PID1: variants seen among roughly 807,000 people sequenced by gnomAD.
The protein encoded by PID1 is PTB-containing, cubilin and LRP1-interacting protein.
PID1 carries 10 observed loss-of-function variants against 19.1 expected under a neutral mutation model. The observed-to-expected ratio is 0.52, with a 90% CI of 0.32 to 0.89. PID1 has a LOEUF of 0.89. Ranked by LOEUF, PID1 falls within the 40% of genes least tolerant of loss-of-function variation. The pLI is 0.03. For synonymous variants in PID1, 130 were observed against 116.0 expected, an observed-to-expected ratio of 1.12 and a Z score of -0.78; for missense variants, 248 against 285.3, an observed-to-expected ratio of 0.87 and a Z score of 0.94.
intron 2 of PID1, among the ~76,000 whole-genome samples, chr2:229,039,857 T>C (rs574987341): frequency 4.6e-4 from 70 of 152,318 alleles, no homozygotes; most frequent in African/African-American, 1.7e-3. Context: ...AACAAAACTC[T>C]ATATGTCTTT....
chr2:229,046,540 TCTTTCTTAGTTTACCTTAA>T (rs1224242274), intron 2 of PID1, among the ~76,000 whole-genome samples: 6 of 152,062 alleles, frequency 3.9e-5, no homozygotes, highest in African/African-American at 1.2e-4. Flanking sequence ...AATCTTAAGT[TCTTTCTTAGTTTACCTTAA>T]TTTCTTTCAG....
intron 2 of PID1, among the ~76,000 whole-genome samples, chr2:229,076,384 G>T (rs988132699): frequency 1.4e-5 from 2 of 147,286 alleles, no homozygotes; most frequent in African/African-American, 2.5e-5. Context: ...TTGGGTTTTT[G>T]TTTTTTTTTT....
At chr2:229,249,810 C>T (rs918060205) in intron 1 of PID1, among the ~76,000 whole-genome samples, 2 of 150,862 alleles carry the variant, frequency 1.3e-5, no homozygotes, top group African/African-American at 4.9e-5. Flanking sequence ...ATCCCCTGGG[C>T]AGGGCAGGCG....
intron 1 of PID1, among the ~76,000 whole-genome samples, chr2:229,215,660 G>A (rs371357747): frequency 6.6e-6 from 1 of 152,096 alleles, no homozygotes; most frequent in Admixed American, 6.5e-5. Flanking sequence ...ACAGGTGTAG[G>A]CTTGACTCCA....
At chr2:229,119,425 T>C (rs1268337201) in intron 2 of PID1, among the ~76,000 whole-genome samples, 2 of 152,234 alleles carry the variant, frequency 1.3e-5, no homozygotes, top group Non-Finnish European at 2.9e-5. Context: ...GTCTTAAAAG[T>C]TATTTCCTTA....
chr2:229,186,209 C>A (rs1163089772), intron 1 of PID1, among the ~76,000 whole-genome samples: 1 of 152,144 alleles, frequency 6.6e-6, no homozygotes, highest in Non-Finnish European at 1.5e-5. Flanking sequence ...GCAGCTCCAC[C>A]CCTGTGGCTT....
chr2:229,196,913 G>C (rs1691389096), intron 1 of PID1, among the ~76,000 whole-genome samples: 1 of 152,030 alleles, frequency 6.6e-6, no homozygotes, highest in Non-Finnish European at 1.5e-5. Flanking sequence ...AAGTAAGTAA[G>C]TAGCATTGAT....
At chr2:229,250,037 CT>C (rs1271791312) in intron 1 of PID1, among the ~76,000 whole-genome samples, 2 of 152,156 alleles carry the variant, frequency 1.3e-5, no homozygotes, top group Admixed American at 6.5e-5. Context: ...GATAAAGGCA[CT>C]TTTTTATAAA....
intron 2 of PID1, among the ~76,000 whole-genome samples, chr2:229,115,085 T>G (rs1309821781): frequency 6.6e-6 from 1 of 152,194 alleles, no homozygotes; most frequent in Non-Finnish European, 1.5e-5. Context: ...TATCTTACCT[T>G]GCTCTTTTAT....
At position 229,036,080 on chromosome 2, in the gene PID1, T is replaced by C. The variant is rs79126420; in HGVS notation, c.178-9972A>G. On this transcript the variant is annotated intron_variant, in intron 2 of 2. Transcript: ENST00000392055. ...AAAAGCAAACATTACATCTGTGCTA[T>C]GCTGGTTATTACCCTGCCTCTCGTG... Among the ~76,000 whole-genome samples the C allele has an allele frequency of 2.9e-4, 44 of 152,352 alleles. No individual in the cohort carries two copies. The East Asian group carries it at 8.5e-3, about 29-fold the overall frequency.
intron 2 of PID1, among the ~76,000 whole-genome samples, chr2:229,115,820 T>C (rs1300708668): frequency 6.6e-6 from 1 of 152,232 alleles, no homozygotes; most frequent in Non-Finnish European, 1.5e-5. Context: ...TTCAAGTTAC[T>C]ACATTGGTTT....
chr2:229,189,007 C>T (rs1691197656), intron 1 of PID1, among the ~76,000 whole-genome samples: 1 of 152,094 alleles, frequency 6.6e-6, no homozygotes, highest in Admixed American at 6.6e-5. Context: ...ATAAATACAT[C>T]AAAGGCACGC....
intron 1 of PID1, among the ~76,000 whole-genome samples, chr2:229,219,109 T>C (rs1341909954): frequency 1.3e-5 from 2 of 152,220 alleles, no homozygotes; most frequent in East Asian, 3.9e-4. Context: ...GGCAAGACTC[T>C]ACAAATTACC....
rs568408630 is a variant in PID1, at chr2:229,122,330, C to T, written c.177+33488G>A. Among the ~76,000 whole-genome samples the T allele has an allele frequency of 2.3e-3, 347 of 152,244 alleles. 4 individuals carry two copies. The highest frequency in any genetic ancestry group is 7.8e-3 in the African/African-American group (325 of 41,544). ...TCCATACAATATTTGGCTTAACGGCCTTAGCAGGCATATCCCCGTGGGGCT... is the reference window on the plus strand; with the variant it reads ...TCCATACAATATTTGGCTTAACGGCTTTAGCAGGCATATCCCCGTGGGGCT... On this transcript the variant is annotated intron_variant, in intron 2 of 2. Transcript: ENST00000392055.
At chr2:229,201,856 C>T (rs772467783) in intron 1 of PID1, among the ~76,000 whole-genome samples, 6 of 151,876 alleles carry the variant, frequency 4.0e-5, no homozygotes, top group African/African-American at 4.8e-5. Context: ...AGTTTTTATT[C>T]GCATTTTCCT....
At chr2:229,124,058 G>A (rs765819024) in intron 2 of PID1, among the ~76,000 whole-genome samples, 4 of 152,242 alleles carry the variant, frequency 2.6e-5, no homozygotes, top group Admixed American at 6.5e-5. Context: ...AAAATATGGC[G>A]AGACTGGAAG....
intron 2 of PID1, among the ~76,000 whole-genome samples, chr2:229,139,043 A>AAGAAGG (rs1689932407): frequency 4.7e-5 from 3 of 63,562 alleles, no homozygotes; most frequent in Admixed American, 1.5e-4. Flanking sequence ...AAGAAAGAGA[A>AAGAAGG]AGAAAGAAAG....
At chr2:229,247,566 T>C (rs1420460009) in intron 1 of PID1, among the ~76,000 whole-genome samples, 2 of 152,210 alleles carry the variant, frequency 1.3e-5, no homozygotes, top group East Asian at 3.9e-4. Context: ...TTCTTTACAA[T>C]TGGCATTTGC....
chr2:229,234,301 T>C (rs763893720), intron 1 of PID1, among the ~76,000 whole-genome samples: 41 of 152,264 alleles, frequency 2.7e-4, no homozygotes, highest in Admixed American at 6.5e-4. Flanking sequence ...ATGGGCATTA[T>C]AGTGGGTTAG....
Sources: allele counts gnomAD v4.1 joint callset (sites outside exome capture counted in the v4.1 genomes callset), GRCh38; gene constraint gnomAD v4.1.1; transcripts MANE v1.5; gene names NCBI Gene and HGNC (gene_info 2026-07-23, HGNC 2026-07-21).